CWF19L1: variants seen among roughly 807,000 people sequenced by gnomAD.
CWF19L1 encodes the protein CWF19 like cell cycle control factor 1.
CWF19L1 carries 60 observed loss-of-function variants against 69.7 expected under a neutral mutation model. The ratio of observed to expected loss-of-function variants is 0.86; its 90% confidence interval spans 0.70 to 1.07. The LOEUF is 1.07. Among genes scored for constraint, CWF19L1 ranks in the 50% least tolerant of loss-of-function variants. The probability of loss-of-function intolerance (pLI) is 0.00; values close to 1 mark genes in which losing one functional copy is unlikely to be tolerated. For missense variants in CWF19L1, 591 were observed against 638.9 expected (o/e 0.92, Z 0.81); for synonymous variants, 209 against 222.2 (o/e 0.94, Z 0.53).
chr10:100,266,693 T>TTTTTTGTGTG (rs199826886), intron 1 of CWF19L1, among the ~76,000 whole-genome samples: 2 of 149,810 alleles, frequency 1.3e-5, no homozygotes, highest in African/African-American at 5.0e-5. Context: ...TTTTTTTTTT[T>TTTTTTGTGTG]TGTATTAGTA....
intron 7 of CWF19L1, chr10:100,249,240 A>C: frequency 4.2e-6 from 1 of 238,880 alleles, no homozygotes; most frequent in Non-Finnish European, 8.2e-6. Context: ...CCCTCCCCCA[A>C]AAAAAGCTTG....
In CWF19L1 at chr10:100,236,975, G is replaced by C; in HGVS notation, c.1255-6C>G. On this transcript the variant is annotated splice_polypyrimidine_tract_variant and splice_region_variant and intron_variant, in intron 11 of 13. Transcript: ENST00000354105. ...CTGATTGGGACAGGAATGACCTGGG[G>C]GTTGGGGAGACAGGAGAAATTCCTT... The C allele has an allele frequency of 1.3e-6, 2 of 1,569,198 alleles. No homozygotes were observed. Among genetic ancestry groups the C allele is most frequent in the Non-Finnish European group, 1.7e-6 (2 of 1,159,096 alleles).
At chr10:100,238,672 G>A (rs888859210) in intron 10 of CWF19L1, among the ~76,000 whole-genome samples, 2 of 152,274 alleles carry the variant, frequency 1.3e-5, no homozygotes, top group South Asian at 4.2e-4. Flanking sequence ...GCTCACGCTT[G>A]TAATCCCAAA....
chr10:100,245,302 G>A (rs1335253281), intron 9 of CWF19L1, among the ~76,000 whole-genome samples: 1 of 150,604 alleles, frequency 6.6e-6, no homozygotes, highest in East Asian at 1.9e-4. Flanking sequence ...TTACAGGCAT[G>A]AGCCCCCACA....
intron 6 of CWF19L1, among the ~76,000 whole-genome samples, chr10:100,252,103 T>C (rs1847056011): frequency 1.3e-5 from 2 of 152,284 alleles, no homozygotes; most frequent in South Asian, 2.1e-4. Context: ...AAAGAAGTTA[T>C]TTTAGGGATA....
At chr10:100,267,113 C>T (rs1481362844) in intron 1 of CWF19L1, among the ~76,000 whole-genome samples, 4 of 148,804 alleles carry the variant, frequency 2.7e-5, no homozygotes, top group Admixed American at 1.4e-4. Flanking sequence ...GCATGAAGCC[C>T]TCTCTTCACC....
chr10:100,261,190 A>C, intron 2 of CWF19L1, 146 bp from the exon 3 acceptor site: 1 of 592,956 alleles, frequency 1.7e-6, no homozygotes, highest in Non-Finnish European at 3.0e-6. Context: ...ACAATTCTTT[A>C]GCAGCAACTG....
At chr10:100,259,043 A>T (rs1030296927) in intron 4 of CWF19L1, among the ~76,000 whole-genome samples, 18 of 152,022 alleles carry the variant, frequency 1.2e-4, no homozygotes, top group African/African-American at 4.1e-4. Context: ...TCTACTAAAA[A>T]TACAAAAATT....
In CWF19L1 at chr10:100,261,064, CAGATATATG is replaced by C; in HGVS notation, c.109-29_109-21del. 6.5e-7 allele frequency: 1 copy of C among 1,549,444 alleles called. No individual in the cohort carries two copies. The highest frequency in any genetic ancestry group is 8.9e-7 in the Non-Finnish European group (1 of 1,124,530). ...CAGCAGCTAAAATGAGTTTTTTAAA[CAGATATATG>C]AGATTTTAAAATATCAAACAGTACA... On this transcript the variant is annotated intron_variant, in intron 2 of 13. Transcript: ENST00000354105.
intron 7 of CWF19L1, chr10:100,248,928 C>T (rs1254612919): frequency 6.0e-6 from 5 of 833,758 alleles, no homozygotes; most frequent in African/African-American, 3.3e-5. Context: ...CAGAGCTGAT[C>T]GCCAACTCAC....
chr10:100,266,189 ATTT>A (rs67759652), intron 1 of CWF19L1, among the ~76,000 whole-genome samples: 18,814 of 134,044 alleles, frequency 0.14, 1,574 homozygotes, highest in African/African-American at 0.27. Flanking sequence ...CACTATTGCA[ATTT>A]TTTTTTTTTT....
In CWF19L1 at chr10:100,253,477, T is replaced by A. The variant is rs372013913; in HGVS notation, c.567A>T (p.Lys189Asn). Residue 189 changes from lysine to asparagine, a missense_variant, in exon 6 of 14, where the codon AAA (lysine) becomes AAT (asparagine). Lys to Asn is a moderately conservative substitution (Grantham distance 94). Transcript: ENST00000354105. ...CCAAAGCAGCAAAATGGTATCTTGG[T>A]TTCAAGCCCGTGGCAAGACTGGAAA... is the stretch of plus-strand genomic sequence containing the variant. ...ALVSSLATGL[K>N]PRYHFAALEK... 1 of 1,614,086 alleles carries A rather than the reference T, an allele frequency of 6.2e-7. No homozygotes were observed. Among genetic ancestry groups the A allele is most frequent in the Non-Finnish European group, 8.5e-7 (1 of 1,179,946 alleles).
chr10:100,245,117 G>A (rs1846770479), intron 9 of CWF19L1, among the ~76,000 whole-genome samples: 1 of 151,640 alleles, frequency 6.6e-6, no homozygotes, highest in Non-Finnish European at 1.5e-5. Flanking sequence ...CTGCCTCCTG[G>A]GTTCAAGCAA....
intron 13 of CWF19L1, among the ~76,000 whole-genome samples, chr10:100,233,609 A>G (rs950829832): frequency 3.3e-5 from 5 of 152,162 alleles, no homozygotes; most frequent in Admixed American, 6.5e-5. Context: ...GAACTATATT[A>G]TTGGTACTTA....
At position 100,238,633 on chromosome 10, in the gene CWF19L1, C is replaced by T. The variant is rs150269512; in HGVS notation, c.1045-402G>A. Among the ~76,000 whole-genome samples, 456 of 152,124 alleles carry T rather than the reference C, an allele frequency of 3.0e-3. 4 individuals carry two copies. Among genetic ancestry groups the T allele is most frequent in the African/African-American group, 0.011 (445 of 41,514 alleles). On this transcript the variant is annotated intron_variant, in intron 10 of 13. Coordinates refer to ENST00000354105, the MANE Select transcript of CWF19L1 (RefSeq NM_018294.6). ...CACAAAAAGATACAACTTCTGATTT[C>T]AAAATGACCACTTTCGGCTGGGATA...
intron 5 of CWF19L1, 140 bp from the exon 6 acceptor site, chr10:100,253,679 T>C (rs1268983520): frequency 8.9e-6 from 5 of 564,416 alleles, no homozygotes; most frequent in Non-Finnish European, 1.6e-5. Context: ...TTGAATTTCA[T>C]AAGTATGGCA....
At chr10:100,238,790 C>A (rs968746315) in intron 10 of CWF19L1, among the ~76,000 whole-genome samples, 2 of 151,932 alleles carry the variant, frequency 1.3e-5, no homozygotes, top group Non-Finnish European at 2.9e-5. Context: ...ATTAGCCAGG[C>A]CTGTGATGGC....
chr10:100,244,671 T>TG (rs1202627922), intron 9 of CWF19L1, among the ~76,000 whole-genome samples: 1 of 151,168 alleles, frequency 6.6e-6, no homozygotes, highest in Non-Finnish European at 1.5e-5. Context: ...TTTATTTTTT[T>TG]GAGACAGGGC....
rs972925685 is a variant in CWF19L1 at position 100,262,537 on chromosome 10, T to C, written c.24-474A>G. 2.0e-5 allele frequency: 17 copies of C among 851,936 alleles called. No individual in the cohort carries two copies. In the African/African-American group the frequency reaches 2.8e-4, roughly 14 times the overall value. The allele number at this position is 851,936 out of a possible 1,614,324, so 52.8% of individuals were successfully genotyped here. A position where few individuals can be genotyped will look rare whatever the true frequency, so the allele number is the denominator to read the frequency against. On this transcript the variant is annotated intron_variant, in intron 1 of 13. Coordinates refer to ENST00000354105, the MANE Select transcript of CWF19L1 (RefSeq NM_018294.6). ...GACACCTACCATACGCTAAGTACAA[T>C]ATGCCAAGTATACTATGCTAAAAAC... is the stretch of plus-strand genomic sequence containing the variant.
Sources: gnomAD v4.1 joint callset for allele counts (sites outside exome capture counted in the v4.1 genomes callset) on GRCh38, gnomAD v4.1.1 for gene constraint, MANE v1.5 for transcripts, NCBI Gene and HGNC (gene_info 2026-07-23, HGNC 2026-07-21) for gene names.